SLC7A2: variants seen among roughly 807,000 people sequenced by gnomAD.
The protein encoded by SLC7A2 is solute carrier family 7 member 2.
Under a neutral mutation model 58.9 loss-of-function variants are expected in SLC7A2, and 48 were observed. The observed-to-expected ratio is 0.82, with a 90% confidence interval of 0.65 to 1.04. The LOEUF (loss-of-function observed/expected upper bound fraction) is 1.04. SLC7A2 is among the 50% of genes least tolerant of loss of function. The pLI, the probability that SLC7A2 is intolerant of heterozygous loss-of-function variation, is 0.00. For missense variants in SLC7A2, 1,029 were observed against 818.8 expected, an observed-to-expected ratio of 1.26 and a Z score of -3.13; for synonymous variants, 363 against 314.5, an observed-to-expected ratio of 1.15 and a Z score of -1.63.
intron 2 of SLC7A2, among the ~76,000 whole-genome samples, chr8:17,515,636 C>T (rs1010330488): frequency 7.2e-5 from 11 of 152,004 alleles, no homozygotes; most frequent in Admixed American, 2.6e-4. Flanking sequence ...AGTGGGGTGG[C>T]GGGTTTTTGG....
intron 2 of SLC7A2, among the ~76,000 whole-genome samples, chr8:17,534,694 G>T: frequency 7.8e-6 from 1 of 128,336 alleles, no homozygotes; most frequent in African/African-American, 2.9e-5. Context: ...GTTTCAAATG[G>T]AAAAAAAAAA....
At chr8:17,561,720 A>G (rs1348450505) in intron 10 of SLC7A2, among the ~76,000 whole-genome samples, 1 of 152,204 alleles carries the variant, frequency 6.6e-6, no homozygotes, top group African/African-American at 2.4e-5. Context: ...GGTTGGTTCT[A>G]AGGAGGGGAG....
At chr8:17,496,853 C>A (rs1318854507), upstream of SLC7A2, among the ~76,000 whole-genome samples, 1 of 151,980 alleles carries the variant, frequency 6.6e-6, no homozygotes, top group Non-Finnish European at 1.5e-5. Context: ...CCCCGGCCCG[C>A]GCCCACCGGC....
At chr8:17,552,258 C>G (rs547738316) in intron 7 of SLC7A2, among the ~76,000 whole-genome samples, 32 of 152,280 alleles carry the variant, frequency 2.1e-4, no homozygotes, top group Non-Finnish European at 3.5e-4. Context: ...CACACACACA[C>G]ACACACAAAT....
upstream of SLC7A2, among the ~76,000 whole-genome samples, chr8:17,494,731 C>T (rs1007527613): frequency 8.5e-5 from 13 of 152,062 alleles, no homozygotes; most frequent in African/African-American, 1.4e-4. Context: ...GAGAAATAAC[C>T]AAAGTTATGA....
At position 17,567,522 on chromosome 8, in the gene SLC7A2, GTGTTTGTATGTT is replaced by G. The variant is rs1159774014; in HGVS notation, c.*2381_*2392del. The G allele has an allele frequency of 1.3e-5, 2 of 152,676 alleles. No homozygotes were observed. Among genetic ancestry groups the G allele is most frequent in the East Asian group, 3.9e-4 (2 of 5,184 alleles). 9.5% of individuals were successfully genotyped at this position (152,676 alleles called of 1,614,324 possible). ...TTCTGTGAAGACTCAACGGATGTGT[GTGTTTGTATGTT>G]TGTTAACAGTTACATATGTTTGTAT... On this transcript the variant is annotated 3_prime_UTR_variant, in exon 13 of 13. Transcript: ENST00000494857.
rs375813020 is a variant in SLC7A2 at position 17,535,730 on chromosome 8, C to G, written c.-22-7588C>G. Among the ~76,000 whole-genome samples, 3 of 152,118 alleles carry G rather than the reference C, an allele frequency of 2.0e-5. No individual in the cohort carries two copies. In the East Asian group the frequency reaches 5.8e-4, roughly 29 times the overall value. Reference sequence around the variant, plus strand: ...CCAGCCTGGCCAACATGGTGAAACCCTGTCTCTACTAAAAATACAAAAATT... The same window carrying G: ...CCAGCCTGGCCAACATGGTGAAACCGTGTCTCTACTAAAAATACAAAAATT... On this transcript the variant is annotated intron_variant, in intron 2 of 12. Coordinates refer to ENST00000494857, the MANE Select transcript of SLC7A2 (RefSeq NM_001370338.1).
At chr8:17,497,548 AC>A (rs1332395569) in intron 1 of SLC7A2, among the ~76,000 whole-genome samples, 1 of 152,052 alleles carries the variant, frequency 6.6e-6, no homozygotes, top group Non-Finnish European at 1.5e-5. Context: ...GACTTCGGGG[AC>A]CGCTGGAACT....
At chr8:17,520,395 C>G (rs1372888078) in intron 2 of SLC7A2, among the ~76,000 whole-genome samples, 1 of 151,860 alleles carries the variant, frequency 6.6e-6, no homozygotes, top group Non-Finnish European at 1.5e-5. Flanking sequence ...AATCTCAGCA[C>G]TTTGGGAGGC....
chr8:17,515,335 C>G (rs917484019), intron 2 of SLC7A2, among the ~76,000 whole-genome samples: 14 of 149,462 alleles, frequency 9.4e-5, no homozygotes. Flanking sequence ...CTTGCCCTGT[C>G]TCCAGACTGG....
At chr8:17,518,218 CTT>C (rs35200868) in intron 2 of SLC7A2, among the ~76,000 whole-genome samples, 12 of 144,082 alleles carry the variant, frequency 8.3e-5, no homozygotes, top group South Asian at 2.2e-4. Flanking sequence ...TCTTTTCTTT[CTT>C]TTTTTTTTTT....
intron 4 of SLC7A2, among the ~76,000 whole-genome samples, chr8:17,548,448 G>A (rs766319410): frequency 6.6e-6 from 1 of 152,264 alleles, no homozygotes; most frequent in Admixed American, 6.5e-5. Flanking sequence ...CTTAGAAAGT[G>A]TAGTGTCTTC....
At chr8:17,537,967 C>T (rs1052272808) in intron 2 of SLC7A2, among the ~76,000 whole-genome samples, 7 of 152,164 alleles carry the variant, frequency 4.6e-5, no homozygotes, top group African/African-American at 1.7e-4. Flanking sequence ...TTTGAGCTAA[C>T]TAGGTATGCC....
upstream of SLC7A2, among the ~76,000 whole-genome samples, chr8:17,496,901 T>C (rs1232837696): frequency 4.6e-5 from 7 of 151,746 alleles, no homozygotes; most frequent in East Asian, 9.8e-4. Flanking sequence ...TGTGCTCGGC[T>C]CCAGGCAAAC....
intron 2 of SLC7A2, among the ~76,000 whole-genome samples, chr8:17,533,927 C>G (rs1801558540): frequency 6.6e-6 from 1 of 152,220 alleles, no homozygotes; most frequent in Non-Finnish European, 1.5e-5. Context: ...AGCCCACCCC[C>G]TGACAGGCCC....
chr8:17,540,214 C>T (rs931375908), intron 2 of SLC7A2, among the ~76,000 whole-genome samples: 3 of 152,082 alleles, frequency 2.0e-5, no homozygotes, highest in African/African-American at 7.2e-5. Context: ...TACTTTTCTC[C>T]CATCTCATTA....
At chr8:17,525,742 T>C (rs995810862) in intron 2 of SLC7A2, among the ~76,000 whole-genome samples, 2 of 152,196 alleles carry the variant, frequency 1.3e-5, no homozygotes, top group African/African-American at 4.8e-5. Flanking sequence ...GATGATGAAA[T>C]ACTGTTCTGT....
At chr8:17,514,094 G>A (rs987731409) in intron 2 of SLC7A2, among the ~76,000 whole-genome samples, 1 of 152,104 alleles carries the variant, frequency 6.6e-6, no homozygotes. Flanking sequence ...CCCTTATTGG[G>A]AGTAAAAACA....
At chr8:17,552,470 A>G (rs1228826881) in intron 7 of SLC7A2, among the ~76,000 whole-genome samples, 4 of 152,258 alleles carry the variant, frequency 2.6e-5, no homozygotes, top group Non-Finnish European at 4.4e-5. Flanking sequence ...TTTTAAAAAT[A>G]TAATGTGCTT....
Sources: gnomAD v4.1 joint callset for allele counts (sites outside exome capture counted in the v4.1 genomes callset) on GRCh38, gnomAD v4.1.1 for gene constraint, MANE v1.5 for transcripts, NCBI Gene and HGNC (gene_info 2026-07-23, HGNC 2026-07-21) for gene names.